The following CENPF variants were observed in gnomAD, a reference collection of about 807,000 sequenced individuals.
CENPF encodes centromere protein F.
CENPF carries 214 observed loss-of-function variants against 307.3 expected under a neutral mutation model. That is an observed-to-expected ratio of 0.70 (90% CI 0.62 to 0.78). CENPF has a LOEUF of 0.78. CENPF is among the 30% of genes least tolerant of loss of function. The pLI is 0.00. For synonymous variants in CENPF, 1,259 were observed against 1,270.6 expected (o/e 0.99, Z 0.19); for missense variants, 3,401 against 3,483.9 (o/e 0.98, Z 0.60).
intron 11 of CENPF, among the ~76,000 whole-genome samples, chr1:214,638,951 C>T (rs1050930769): frequency 6.6e-6 from 1 of 152,190 alleles, no homozygotes; most frequent in African/African-American, 2.4e-5. Context: ...GTTGATCACC[C>T]AGGTGATTGT....
intron 16 of CENPF, chr1:214,653,669 T>C (rs1311837224): frequency 1.3e-5 from 2 of 152,988 alleles, no homozygotes; most frequent in Non-Finnish European, 2.9e-5. Context: ...AGAAGACGAT[T>C]ATATTTTTTA....
At chr1:214,660,857 A>C (rs926141898) in intron 19 of CENPF, among the ~76,000 whole-genome samples, 3 of 152,224 alleles carry the variant, frequency 2.0e-5, no homozygotes, top group African/African-American at 7.2e-5. Context: ...GTTACTGATT[A>C]CATCTATAGT....
At chr1:214,631,838 C>G (rs1310402098) in intron 9 of CENPF, among the ~76,000 whole-genome samples, 1 of 152,192 alleles carries the variant, frequency 6.6e-6, no homozygotes, top group Non-Finnish European at 1.5e-5. Flanking sequence ...AAATTGCCCT[C>G]CATAAAAGCT....
rs757796868 is a variant in CENPF, at chr1:214,641,905, T to G, written c.3567T>G (p.Asn1189Lys). ...GAGAGAGTGAGAGAAATCAATGTAA[T>G]TTTAAACCTCAGATGGATCTTGAAG... The part of the protein sequence containing the change: ...KERESERNQC[N>K]FKPQMDLEVK... The change falls in exon 12 of 20, where the codon AAT (asparagine) becomes AAG (lysine). Residue 1189 changes from asparagine to lysine, a missense_variant. Physicochemically the swap from Asn to Lys is moderately conservative, Grantham distance 94. Coordinates refer to ENST00000366955, the MANE Select transcript of CENPF (RefSeq NM_016343.4). 6.3e-7 allele frequency: 1 copy of G among 1,591,686 alleles called. No individual in the cohort carries two copies. The highest frequency in any genetic ancestry group is 1.9e-5 in the Admixed American group (1 of 53,890).
In CENPF at chr1:214,659,047, C is replaced by G. The variant is rs1346040827; in HGVS notation, c.9141+19C>G. The G allele has an allele frequency of 2.5e-6, 4 of 1,612,760 alleles. No individual in the cohort carries two copies. Among genetic ancestry groups the G allele is most frequent in the Non-Finnish European group, 3.4e-6 (4 of 1,179,348 alleles). On this transcript the variant is annotated intron_variant, in intron 19 of 19. Transcript: ENST00000366955. The surrounding 1 kb of genome is among the most constrained non-coding windows in gnomAD (Gnocchi z 4.4). Reference sequence around the variant, plus strand: ...ACAAAAGGTAAACTACTGTCAACATCCGTCTACTGTTTGAGATCCAGAAAA... The same window carrying G: ...ACAAAAGGTAAACTACTGTCAACATGCGTCTACTGTTTGAGATCCAGAAAA...
chr1:214,647,431 A>G (rs1166116037), intron 13 of CENPF, 31 bp downstream of exon 13: 2 of 1,559,470 alleles, frequency 1.3e-6, no homozygotes, highest in African/African-American at 2.7e-5. Flanking sequence ...ATGTTTAAAT[A>G]TGTAGTCATG....
In CENPF at chr1:214,639,567, A is replaced by G. The variant is rs143430754; in HGVS notation, c.1583-354A>G. 7.9e-3 allele frequency among the ~76,000 whole-genome samples: 1,200 copies of G among 152,344 alleles called. 7 individuals are homozygous for G. The highest frequency in any genetic ancestry group is 0.012 in the Admixed American group (177 of 15,304). On this transcript the variant is annotated intron_variant, in intron 11 of 19. Transcript: ENST00000366955. ...CCCAGTTTTCTCTCTTGGAATAAATATTTGAAAAGATGGTAAAAATATACA... is the reference window on the plus strand; with the variant it reads ...CCCAGTTTTCTCTCTTGGAATAAATGTTTGAAAAGATGGTAAAAATATACA...
At position 214,637,659 on chromosome 1, in the gene CENPF, C is replaced by T. The variant is rs562690427; in HGVS notation, c.1447-207C>T. On this transcript the variant is annotated intron_variant, in intron 10 of 19. Transcript: ENST00000366955. ...ACTTCTTGAAAGAAAAAATTATCTTCAGATTTGGGTTTGATGCTGTTGTCT... is the reference window on the plus strand; with the variant it reads ...ACTTCTTGAAAGAAAAAATTATCTTTAGATTTGGGTTTGATGCTGTTGTCT... 4.6e-5 allele frequency among the ~76,000 whole-genome samples: 7 copies of T among 152,220 alleles called. No individual in the cohort carries two copies. In the East Asian group the frequency reaches 1.4e-3, roughly 29 times the overall value.
intron 3 of CENPF, among the ~76,000 whole-genome samples, chr1:214,616,899 TTCTTTCTTTCTTTCTTTC>T (rs1044941213): frequency 3.0e-5 from 3 of 99,278 alleles, no homozygotes; most frequent in Non-Finnish European, 6.6e-5. Flanking sequence ...CTTTCTTTCT[TTCTTTCTTTCTTTCTTTC>T]TTTCTTCTTT....
At chr1:214,605,852 C>T in intron 1 of CENPF, 2 of 1,596,644 alleles carry the variant, frequency 1.3e-6, no homozygotes, top group Non-Finnish European at 8.5e-7. Context: ...GTCCTCCGTG[C>T]CGTGGATGAT....
Position 214,645,526 on chromosome 1 carries a change from G to A in CENPF, c.5956G>A (p.Glu1986Lys), listed in dbSNP as rs1436835491. The change falls in exon 13 of 20, where the codon GAG (glutamate) becomes AAG (lysine). Residue 1986 changes from glutamate (E) to lysine (K), a missense_variant. Glu to Lys is a moderately conservative substitution (Grantham distance 56). Transcript: ENST00000366955. ...GGATCAGTTGTCTGAAAAAATGAAG[G>A]AGAAAACACAAGAGCTTGAGTCTCA... ...ALDQLSEKMK[E>K]KTQELESHQS... is the part of the protein sequence containing the mutation. 2 of 1,614,056 alleles carry A rather than the reference G, an allele frequency of 1.2e-6. No individual in the cohort carries two copies. The highest frequency in any genetic ancestry group is 2.7e-5 in the African/African-American group (2 of 75,014).
chr1:214,633,022 C>T (rs1459919094), intron 10 of CENPF, among the ~76,000 whole-genome samples: 1 of 152,088 alleles, frequency 6.6e-6, no homozygotes, highest in Non-Finnish European at 1.5e-5. Flanking sequence ...GCATTTGTGT[C>T]TTTCAATATT....
Position 214,646,298 on chromosome 1 carries a change from A to C in CENPF, c.6728A>C (p.Lys2243Thr). Reference protein sequence around the residue: ...LSSFKSLLEEKEQAEIQIKEE... With the variant: ...LSSFKSLLEETEQAEIQIKEE... ...TCATTTAAAAGTCTGTTAGAAGAAAAGGAGCAAGCAGAGATACAGATCAAA... is the reference window on the plus strand; with the variant it reads ...TCATTTAAAAGTCTGTTAGAAGAAACGGAGCAAGCAGAGATACAGATCAAA... Residue 2243 changes from lysine (K) to threonine (T), a missense_variant, in exon 13 of 20, where the codon AAG (lysine) becomes ACG (threonine). Coordinates refer to ENST00000366955, the MANE Select transcript of CENPF (RefSeq NM_016343.4). 5.6e-6 allele frequency: 9 copies of C among 1,614,126 alleles called. No individual in the cohort carries two copies. Among genetic ancestry groups the C allele is most frequent in the Non-Finnish European group, 7.6e-6 (9 of 1,180,010 alleles).
rs747905511 is a variant in CENPF at position 214,642,030 on chromosome 1, A to T, written c.3692A>T (p.Lys1231Met). ...AAACTTCAGGAAAGTGAGAAGGAGA[A>T]GGAGTGCCTGCAGCATGAATTACAG... is the stretch of plus-strand genomic sequence containing the variant. ...ELKLQESEKEKECLQHELQTI... is the reference protein window; with the variant it reads ...ELKLQESEKEMECLQHELQTI... Residue 1231 changes from lysine to methionine, a missense_variant, in exon 12 of 20, where the codon AAG (lysine) becomes ATG (methionine). Lys to Met is a moderately conservative substitution (Grantham distance 95, BLOSUM62 -1). Transcript: ENST00000366955. The T allele has an allele frequency of 6.2e-7, 1 of 1,611,262 alleles. No individual in the cohort carries two copies. Among genetic ancestry groups the T allele is most frequent in the Non-Finnish European group, 8.5e-7 (1 of 1,179,350 alleles).
In CENPF at chr1:214,646,903, A is replaced by G; in HGVS notation, c.7333A>G (p.Thr2445Ala). 6.2e-7 allele frequency: 1 copy of G among 1,614,122 alleles called. No homozygotes were observed. Among genetic ancestry groups the G allele is most frequent in the Non-Finnish European group, 8.5e-7 (1 of 1,180,002 alleles). Reference protein sequence around the residue: ...KSSTAMEMLQTQLKELNERVA... With the variant: ...KSSTAMEMLQAQLKELNERVA... ...AAGCACTGCCATGGAGATGCTTCAA[A>G]CACAATTAAAAGAGCTCAATGAGAG... The change falls in exon 13 of 20, where the codon ACA becomes GCA. Residue 2445 changes from threonine to alanine, a missense_variant. Coordinates refer to ENST00000366955, the MANE Select transcript of CENPF (RefSeq NM_016343.4).
At chr1:214,626,912 A>G (rs886623914) in intron 7 of CENPF, among the ~76,000 whole-genome samples, 1 of 152,172 alleles carries the variant, frequency 6.6e-6, no homozygotes, top group Admixed American at 6.5e-5. Context: ...CTCCTTTTAC[A>G]CTTTACTTAT....
chr1:214,662,139 G>A (rs927248718), intron 19 of CENPF, among the ~76,000 whole-genome samples: 2 of 151,708 alleles, frequency 1.3e-5, no homozygotes, highest in Non-Finnish European at 2.9e-5. Context: ...CAAACTTTCT[G>A]TTTCCTATGG....
At chr1:214,634,608 A>T (rs1657905731) in intron 10 of CENPF, among the ~76,000 whole-genome samples, 2 of 152,368 alleles carry the variant, frequency 1.3e-5, no homozygotes, top group African/African-American at 2.4e-5. Context: ...TGCCCAGCAC[A>T]TAAGTGCTCA....
At chr1:214,609,734 C>G (rs1248215569) in intron 1 of CENPF, among the ~76,000 whole-genome samples, 1 of 152,148 alleles carries the variant, frequency 6.6e-6, no homozygotes, top group Non-Finnish European at 1.5e-5. Context: ...GCTCTTCCTC[C>G]TCCAACTCTC....
Sources: gnomAD v4.1 joint callset for allele counts (sites outside exome capture counted in the v4.1 genomes callset) on GRCh38, gnomAD v4.1.1 for gene constraint, Gnocchi (gnomAD v3.1) non-coding constraint, MANE v1.5 for transcripts, NCBI Gene and HGNC (gene_info 2026-07-23, HGNC 2026-07-21) for gene names.